Variants in CIAO3 observed in about 807,000 individuals in gnomAD.
CIAO3 encodes the protein LET1 like/JFP15.
In CIAO3, 45 loss-of-function variants were observed where a neutral mutation model predicts 51.5. The ratio of observed to expected loss-of-function variants is 0.87; its 90% CI spans 0.69 to 1.12. CIAO3 has a LOEUF of 1.12. CIAO3 is among the 50% of genes most tolerant of loss of function. CIAO3 has a pLI of 0.00. For missense variants in CIAO3, 668 were observed against 632.5 expected, an observed-to-expected ratio of 1.06 and a Z score of -0.60; for synonymous variants, 314 against 269.3, an observed-to-expected ratio of 1.17 and a Z score of -1.63.
In CIAO3 at chr16:737,340, G is replaced by A; in HGVS notation, c.163-11C>T. On this transcript the variant is annotated splice_polypyrimidine_tract_variant and intron_variant, in intron 2 of 10. Transcript: ENST00000251588. This position sits in a 1 kb window ranked among gnomAD's most constrained non-coding sequence, Gnocchi z 5.3. The stretch of plus-strand genomic sequence containing the variant: ...CCGGGTCCCGCCGTCCTACAAGGGA[G>A]AAGAACCCGGTGCACAGGGGCCCCC... 1 of 1,612,642 alleles carries A rather than the reference G, an allele frequency of 6.2e-7. No homozygotes were observed. Among genetic ancestry groups the A allele is most frequent in the Non-Finnish European group, 8.5e-7 (1 of 1,179,874 alleles).
chr16:731,698 T>G lies in CIAO3; in HGVS notation c.901A>C (p.Ser301Arg). ...GTGGGCTCCTCTGCAGAGGCACCGC[T>G]GCACCTGGCAAGGAGGGAGGGGCCT... ...LEPAPLDSLCSGASAEEPTSH... is the reference protein window; with the variant it reads ...LEPAPLDSLCRGASAEEPTSH... Residue 301 changes from serine (S) to arginine (R), a missense_variant, in exon 9 of 11, where the codon AGC becomes CGC. Physicochemically the swap from Ser to Arg is moderately radical, Grantham distance 110 (BLOSUM62 -1). Coordinates refer to ENST00000251588, the MANE Select transcript of CIAO3 (RefSeq NM_022493.3). 1 of 1,553,060 alleles carries G rather than the reference T, an allele frequency of 6.4e-7. No individual in the cohort carries two copies. The highest frequency in any genetic ancestry group is 8.7e-7 in the Non-Finnish European group (1 of 1,151,330).
chr16:740,835 G>T lies in CIAO3; in HGVS notation c.66+85C>A. The T allele has an allele frequency of 2.3e-6, 3 of 1,314,380 alleles. No individual in the cohort carries two copies. In the South Asian group the frequency reaches 3.8e-5, roughly 17 times the overall value. 81.4% of individuals were successfully genotyped at this position (1,314,380 alleles called of 1,614,324 possible). On this transcript the variant is annotated intron_variant, in intron 1 of 10. Coordinates refer to ENST00000251588, the MANE Select transcript of CIAO3 (RefSeq NM_022493.3). The stretch of plus-strand genomic sequence containing the variant: ...CGGGATTCGGATCTCATTCCTCAGG[G>T]GAGGAAGTGGGGCGCAGAGCAATTT...
At chr16:733,561 C>A in intron 6 of CIAO3, 134 bp from the exon 7 acceptor site, 1 of 1,339,324 alleles carries the variant, frequency 7.5e-7, no homozygotes, top group South Asian at 1.4e-5. Context: ...CCCAGCAAGC[C>A]TCCTGCCGGC....
rs1024606676 is a variant in CIAO3, at chr16:734,766, G to T, written c.545C>A (p.Ala182Glu). 1.9e-6 allele frequency: 3 copies of T among 1,611,684 alleles called. No individual in the cohort carries two copies. The highest frequency in any genetic ancestry group is 2.5e-6 in the Non-Finnish European group (3 of 1,178,976). ...GCAGGCAGAGGCCAGCAGGGGCAGCGCCTGTCTGCAGTCGGCCTGTCCTCG... is the reference window on the plus strand; with the variant it reads ...GCAGGCAGAGGCCAGCAGGGGCAGCTCCTGTCTGCAGTCGGCCTGTCCTCG... ...RFRGQADCRQALPLLASACPG... is the reference protein window; with the variant it reads ...RFRGQADCRQELPLLASACPG... Residue 182 changes from alanine to glutamate, a missense_variant, in exon 5 of 11, where the codon GCG (alanine) becomes GAG (glutamate). Coordinates refer to ENST00000251588, the MANE Select transcript of CIAO3 (RefSeq NM_022493.3).
rs1016677432 is a variant in CIAO3 at position 731,547 on chromosome 16, C to A, written c.1034+18G>T. On this transcript the variant is annotated intron_variant, in intron 9 of 10. Coordinates refer to ENST00000251588, the MANE Select transcript of CIAO3 (RefSeq NM_022493.3). ...CTGTGTGGCCGCTCTGCCCAGAGAT[C>A]TGGCCCATCCCACTGACCTCAGGGG... The A allele has an allele frequency of 3.2e-6, 5 of 1,552,712 alleles. No homozygotes were observed. The highest frequency in any genetic ancestry group is 4.4e-6 in the Non-Finnish European group (5 of 1,148,098).
chr16:738,152 G>A, intron 2 of CIAO3: 1 of 1,002,876 alleles, frequency 1.0e-6, no homozygotes, highest in South Asian at 4.1e-5. Context: ...GGCAGAGGCT[G>A]ACAGGCTCCT....
chr16:737,999 G>A lies in CIAO3; in HGVS notation c.163-670C>T, dbSNP rs2041356257. On this transcript the variant is annotated intron_variant, in intron 2 of 10. Coordinates refer to ENST00000251588, the MANE Select transcript of CIAO3 (RefSeq NM_022493.3). The surrounding 1 kb of genome is among the most constrained non-coding windows in gnomAD (Gnocchi z 5.3). ...AGTGGCCCGGAATACAGCCAGAGGA[G>A]TAAGGCGACTGGGTGGGAACTGTGT... is the stretch of plus-strand genomic sequence containing the variant. 20 of 1,150,696 alleles carry A rather than the reference G, an allele frequency of 1.7e-5. No homozygotes were observed. Among genetic ancestry groups the A allele is most frequent in the Non-Finnish European group, 2.2e-5 (20 of 925,246 alleles). 71.3% of individuals were successfully genotyped at this position (1,150,696 alleles called of 1,614,324 possible).
chr16:733,952 G>A (rs2041311657), intron 6 of CIAO3: 2 of 455,658 alleles, frequency 4.4e-6, no homozygotes, highest in African/African-American at 4.0e-5. Flanking sequence ...TGGCCGGAGG[G>A]GTGGGCTCCA....
chr16:731,521 G>A, intron 9 of CIAO3, 44 bp downstream of exon 9: 1 of 1,512,046 alleles, frequency 6.6e-7, no homozygotes, highest in Non-Finnish European at 8.9e-7. Context: ...AAGGCTGGGG[G>A]CTGTGTGGCC....
At chr16:734,122 C>T in intron 6 of CIAO3, 107 bp downstream of exon 6, 3 of 993,934 alleles carry the variant, frequency 3.0e-6, no homozygotes, top group Non-Finnish European at 4.7e-6. Flanking sequence ...GGGAAGGCCG[C>T]ACAGCACAGC....
chr16:736,132 G>C, intron 4 of CIAO3, 134 bp downstream of exon 4: 1 of 1,155,698 alleles, frequency 8.7e-7, no homozygotes, highest in Non-Finnish European at 1.2e-6. Context: ...AGGTCACAGA[G>C]GGAATAAAGT....
chr16:739,125 G>T (rs142538171), intron 2 of CIAO3, among the ~76,000 whole-genome samples: 6 of 151,188 alleles, frequency 4.0e-5, no homozygotes, highest in African/African-American at 1.5e-4. Flanking sequence ...GTGAAACCCC[G>T]TCTCTACTAA....
intron 8 of CIAO3, 147 bp from the exon 9 acceptor site, chr16:731,849 C>T: frequency 9.2e-7 from 1 of 1,087,614 alleles, no homozygotes; most frequent in Non-Finnish European, 1.3e-6. Context: ...GTGTCACCAG[C>T]CATCACAGGG....
chr16:733,239 A>C, intron 7 of CIAO3, 59 bp downstream of exon 7: 1 of 1,596,184 alleles, frequency 6.3e-7, no homozygotes, highest in Non-Finnish European at 8.5e-7. Context: ...ACCTGTGCCC[A>C]GGGCTCAGGA....
In CIAO3 at chr16:730,263, C is replaced by A. The variant is rs766234740; in HGVS notation, c.*154G>T. 1.4e-6 allele frequency: 1 copy of A among 736,372 alleles called. No individual in the cohort carries two copies. The highest frequency in any genetic ancestry group is 2.7e-5 in the Admixed American group (1 of 37,362). The allele number at this position is 736,372 out of a possible 1,614,324, so 45.6% of individuals were successfully genotyped here. On this transcript the variant is annotated 3_prime_UTR_variant, in exon 11 of 11. Coordinates refer to ENST00000251588, the MANE Select transcript of CIAO3 (RefSeq NM_022493.3). ...AGGCACCCAACTGGAGGTGACGAGG[C>A]GGCTGCGGGTCCTGGCTAGTCCTAG...
Position 729,845 on chromosome 16 carries a change from G to A in CIAO3, c.*572C>T, listed in dbSNP as rs2151598596. 3 of 588,910 alleles carry A rather than the reference G, an allele frequency of 5.1e-6. No individual in the cohort carries two copies. The highest frequency in any genetic ancestry group is 7.8e-6 in the Non-Finnish European group (3 of 385,752). The allele number at this position is 588,910 out of a possible 1,614,324, so 36.5% of individuals were successfully genotyped here. A position where few individuals can be genotyped will look rare whatever the true frequency, so the allele number is the denominator to read the frequency against. On this transcript the variant is annotated 3_prime_UTR_variant, in exon 11 of 11. Coordinates refer to ENST00000251588, the MANE Select transcript of CIAO3 (RefSeq NM_022493.3). ...ACCTGGCTGGGGGATGATGCAGCCCGCGATGGCTGCTGCTTCGTACTTGGC... is the reference window on the plus strand; with the variant it reads ...ACCTGGCTGGGGGATGATGCAGCCCACGATGGCTGCTGCTTCGTACTTGGC...
intron 6 of CIAO3, chr16:733,701 G>C (rs1458521821): frequency 2.1e-6 from 1 of 470,840 alleles, no homozygotes; most frequent in Admixed American, 3.5e-5. Flanking sequence ...CACGGCTCGG[G>C]CCGTCTCACT....
intron 4 of CIAO3, chr16:735,663 G>C (rs1408354777): frequency 6.5e-6 from 1 of 152,790 alleles, no homozygotes; most frequent in Non-Finnish European, 1.5e-5. Flanking sequence ...ATATGGGTCA[G>C]ACAGGAGCCA....
intron 8 of CIAO3, 98 bp from the exon 9 acceptor site, chr16:731,800 AG>A: frequency 7.1e-7 from 1 of 1,402,974 alleles, no homozygotes; most frequent in South Asian, 1.6e-5. Flanking sequence ...TTGCATTTCC[AG>A]GTGGGAGACA....
Sources: allele counts gnomAD v4.1 joint callset (sites outside exome capture counted in the v4.1 genomes callset), GRCh38; gene constraint gnomAD v4.1.1; non-coding constraint Gnocchi (gnomAD v3.1); transcripts MANE v1.5; gene names NCBI Gene and HGNC (gene_info 2026-07-23, HGNC 2026-07-21).